The following SLC16A12 variants were observed in gnomAD, a reference collection of about 807,000 sequenced individuals.
SLC16A12 encodes monocarboxylate transporter 12.
Under a neutral mutation model 42.4 loss-of-function variants are expected in SLC16A12, and 17 were observed. The ratio of observed to expected loss-of-function variants is 0.40; its 90% CI spans 0.27 to 0.60. SLC16A12 has a LOEUF of 0.60. SLC16A12 is among the 20% of genes least tolerant of loss of function. The pLI is 0.42. For missense variants in SLC16A12, 544 were observed against 623.0 expected (o/e 0.87, Z 1.35); for synonymous variants, 224 against 229.4 (o/e 0.98, Z 0.21).
intron 3 of SLC16A12, among the ~76,000 whole-genome samples, chr10:89,453,798 T>C (rs568267845): frequency 6.6e-6 from 1 of 152,128 alleles, no homozygotes; most frequent in Non-Finnish European, 1.5e-5. Flanking sequence ...TATTGACATT[T>C]TGGGCCAGGT....
At chr10:89,451,448 G>A (rs927663612) in intron 3 of SLC16A12, among the ~76,000 whole-genome samples, 13 of 151,990 alleles carry the variant, frequency 8.6e-5, no homozygotes, top group African/African-American at 3.1e-4. Flanking sequence ...TTTTACTCCT[G>A]TTGCCCAGGC....
chr10:89,483,754 CA>C lies in SLC16A12; in HGVS notation c.-46-21131del, dbSNP rs796203412. Among the ~76,000 whole-genome samples the C allele has an allele frequency of 1.1e-3, 111 of 102,402 alleles. 1 individual carries two copies. Among genetic ancestry groups the C allele is most frequent in the Non-Finnish European group, 1.5e-3 (69 of 45,268 alleles). The allele number at this position is 102,402 out of a possible 152,430, so 67.2% of individuals were successfully genotyped here. ...CGCTGCCTCTAAAAAAAAAAAAAAA[CA>C]AAAAAAAAAAAACGGAAGAAGAAAA... On this transcript the variant is annotated intron_variant, in intron 2 of 7. Transcript: ENST00000371790.
chr10:89,455,813 C>T (rs1430542342), intron 3 of SLC16A12, among the ~76,000 whole-genome samples: 1 of 152,152 alleles, frequency 6.6e-6, no homozygotes, highest in African/African-American at 2.4e-5. Context: ...GCCTCAGTTT[C>T]TTTATCTCTA....
chr10:89,520,749 C>T (rs955764572), intron 2 of SLC16A12, among the ~76,000 whole-genome samples: 1 of 147,160 alleles, frequency 6.8e-6, no homozygotes, highest in Admixed American at 6.7e-5. Flanking sequence ...AAAATGGAAC[C>T]CCTGGGTGAA....
At chr10:89,512,136 G>T (rs1240477706) in intron 2 of SLC16A12, among the ~76,000 whole-genome samples, 1 of 152,144 alleles carries the variant, frequency 6.6e-6, no homozygotes, top group African/African-American at 2.4e-5. Context: ...AATGGTGGTT[G>T]CCAGGGCCTG....
At chr10:89,470,706 A>C (rs1842478048) in intron 2 of SLC16A12, among the ~76,000 whole-genome samples, 1 of 152,252 alleles carries the variant, frequency 6.6e-6, no homozygotes, top group African/African-American at 2.4e-5. Flanking sequence ...CATATGGAGA[A>C]TACAAACCAT....
intron 2 of SLC16A12, among the ~76,000 whole-genome samples, chr10:89,491,259 T>A (rs1174045426): frequency 6.6e-6 from 1 of 151,876 alleles, no homozygotes; most frequent in Non-Finnish European, 1.5e-5. Flanking sequence ...ACAGTAAAGG[T>A]CCATAACCAC....
chr10:89,449,315 A>G (rs533632920), intron 3 of SLC16A12, among the ~76,000 whole-genome samples: 78 of 152,322 alleles, frequency 5.1e-4, no homozygotes, highest in African/African-American at 1.6e-3. Flanking sequence ...TCCTAACTCA[A>G]AAGAACAAAG....
chr10:89,549,998 G>A (rs527688097), intron 2 of SLC16A12, among the ~76,000 whole-genome samples: 32 of 151,938 alleles, frequency 2.1e-4, no homozygotes, highest in African/African-American at 6.8e-4. Flanking sequence ...CATTCCATTC[G>A]TCAAGCCAAA....
upstream of SLC16A12, among the ~76,000 whole-genome samples, chr10:89,538,188 G>A (rs1843692842): frequency 6.6e-6 from 1 of 152,228 alleles, no homozygotes; most frequent in South Asian, 2.1e-4. Flanking sequence ...TCGCTGTGCA[G>A]AAGAAAAGCA....
intron 2 of SLC16A12, among the ~76,000 whole-genome samples, chr10:89,551,540 T>C (rs1843771112): frequency 1.3e-5 from 2 of 152,290 alleles, no homozygotes; most frequent in Non-Finnish European, 2.9e-5. Flanking sequence ...AAAGCTGATA[T>C]AGTTTGGCTC....
intron 2 of SLC16A12, among the ~76,000 whole-genome samples, chr10:89,524,097 C>T (rs1280438710): frequency 3.9e-5 from 6 of 152,232 alleles, no homozygotes; most frequent in Admixed American, 6.5e-5. Context: ...CTTTCTACCA[C>T]GCATTTCTAC....
chr10:89,539,902 T>TTTCTTTCTTTCTTTCTTTCTTTCTTTCC (rs1491094652), upstream of SLC16A12, among the ~76,000 whole-genome samples: 1 of 147,986 alleles, frequency 6.8e-6, no homozygotes, highest in African/African-American at 2.6e-5. Flanking sequence ...TCTTTCTTTC[T>TTTCTTTCTTTCTTTCTTTCTTTCTTTCC]TTCTTTCTTT....
At chr10:89,537,084 G>A (rs902418273), upstream of SLC16A12, among the ~76,000 whole-genome samples, 6 of 150,904 alleles carry the variant, frequency 4.0e-5, no homozygotes, top group African/African-American at 1.2e-4. Context: ...TGATCTGCCC[G>A]ACAAAGAGTT....
At position 89,438,915 on chromosome 10, in the gene SLC16A12, G is replaced by T. The variant is rs746583557; in HGVS notation, c.717C>A (p.Asn239Lys). The T allele has an allele frequency of 1.9e-6, 3 of 1,614,130 alleles. No individual in the cohort carries two copies. In the East Asian group the frequency reaches 6.7e-5, roughly 36 times the overall value. ...CTTCTTTCTGAGTTCTACACACATGGTTCTGCTCTGGAGTTGTGTGGTCCT... is the reference window on the plus strand; with the variant it reads ...CTTCTTTCTGAGTTCTACACACATGTTTCTGCTCTGGAGTTGTGTGGTCCT... ...LKEDHTTPEQ[N>K]HVCRTQKEDI... The change falls in exon 6 of 8, where the codon AAC becomes AAA. Residue 239 changes from asparagine to lysine, a missense_variant. Physicochemically the swap from Asn to Lys is moderately conservative, Grantham distance 94 (BLOSUM62 0). Transcript: ENST00000371790.
chr10:89,503,418 AATCCC>A (rs1843016021), intron 2 of SLC16A12, among the ~76,000 whole-genome samples: 1 of 152,256 alleles, frequency 6.6e-6, no homozygotes, highest in South Asian at 2.1e-4. Flanking sequence ...GTCCCCATAA[AATCCC>A]ATTAACCTGC....
chr10:89,462,862 C>T, intron 2 of SLC16A12: 1 of 366,624 alleles, frequency 2.7e-6, no homozygotes. Flanking sequence ...ACCATTTTTC[C>T]CTAGCCTCTC....
chr10:89,471,503 T>G (rs1233577765), intron 2 of SLC16A12, among the ~76,000 whole-genome samples: 1 of 152,262 alleles, frequency 6.6e-6, no homozygotes, highest in Non-Finnish European at 1.5e-5. Context: ...CTATGTGTTA[T>G]GGATATACTA....
chr10:89,493,872 TACCAAGGTAATTTTGTC>T (rs1842883852), intron 2 of SLC16A12, among the ~76,000 whole-genome samples: 1 of 152,100 alleles, frequency 6.6e-6, no homozygotes, highest in Admixed American at 6.5e-5. Flanking sequence ...GAAAGGTTCC[TACCAAGGTAATTTTGTC>T]AAAGCAAACT....
Sources: allele counts gnomAD v4.1 joint callset (sites outside exome capture counted in the v4.1 genomes callset), GRCh38; gene constraint gnomAD v4.1.1; transcripts MANE v1.5; gene names NCBI Gene and HGNC (gene_info 2026-07-23, HGNC 2026-07-21).